The following PDE6A variants were observed in gnomAD, a reference collection of about 807,000 sequenced individuals.
PDE6A encodes rod cGMP-specific 3',5'-cyclic phosphodiesterase subunit alpha.
PDE6A carries 84 observed loss-of-function variants against 106.3 expected under a neutral mutation model. The ratio of observed to expected loss-of-function variants is 0.79; its 90% confidence interval spans 0.66 to 0.95. The LOEUF (loss-of-function observed/expected upper bound fraction) is 0.95, where lower values mean the gene tolerates loss of function less well. Among genes scored for constraint, PDE6A ranks in the 40% least tolerant of loss-of-function variants. The probability of loss-of-function intolerance (pLI) is 0.00; values close to 1 mark genes in which losing one functional copy is unlikely to be tolerated. For missense variants in PDE6A, 1,052 were observed against 1,084.9 expected (o/e 0.97, Z 0.43); for synonymous variants, 394 against 386.6 (o/e 1.02, Z -0.23).
chr5:149,921,322 G>A (rs965963375), intron 5 of PDE6A, among the ~76,000 whole-genome samples: 1 of 151,270 alleles, frequency 6.6e-6, no homozygotes, highest in Non-Finnish European at 1.5e-5. Flanking sequence ...AAGGAAGGAA[G>A]GAAAGCAGGA....
intron 3 of PDE6A, chr5:149,931,958 C>T: frequency 8.4e-7 from 1 of 1,193,242 alleles, no homozygotes; most frequent in African/African-American, 1.5e-5. Context: ...GTTTGCAAAT[C>T]TTTTATATTT....
At chr5:149,897,101 AAATT>A (rs1262330085) in intron 10 of PDE6A, among the ~76,000 whole-genome samples, 8 of 152,272 alleles carry the variant, frequency 5.3e-5, no homozygotes, top group African/African-American at 1.9e-4. Flanking sequence ...AACATATGTA[AAATT>A]AAATAATCCA....
chr5:149,909,431 C>A (rs534686012), intron 6 of PDE6A, among the ~76,000 whole-genome samples: 3 of 152,316 alleles, frequency 2.0e-5, no homozygotes, highest in East Asian at 3.9e-4. Flanking sequence ...GTTTGCTCTA[C>A]GAGACTCTTT....
chr5:149,908,520 G>A (rs1753272850), intron 6 of PDE6A, among the ~76,000 whole-genome samples: 1 of 151,980 alleles, frequency 6.6e-6, no homozygotes, highest in Non-Finnish European at 1.5e-5. Context: ...GAGGTCTAGT[G>A]GTATCTCATC....
intron 5 of PDE6A, among the ~76,000 whole-genome samples, chr5:149,920,516 G>T (rs1253157316): frequency 6.6e-6 from 1 of 152,148 alleles, no homozygotes; most frequent in African/African-American, 2.4e-5. Context: ...GGAGGCAGAG[G>T]TTGCAGTGAG....
chr5:149,926,481 G>C (rs192886472), intron 4 of PDE6A, among the ~76,000 whole-genome samples: 4 of 152,222 alleles, frequency 2.6e-5, no homozygotes, highest in Admixed American at 2.6e-4. Flanking sequence ...ACATAAAAAA[G>C]TTCCAGGTAG....
intron 6 of PDE6A, among the ~76,000 whole-genome samples, chr5:149,914,031 C>T (rs1017369710): frequency 3.4e-4 from 52 of 152,310 alleles, no homozygotes; most frequent in African/African-American, 1.2e-3. Flanking sequence ...CCTGCTTTTG[C>T]TTTGCCTCCT....
At chr5:149,940,430 G>A (rs576713382) in intron 1 of PDE6A, among the ~76,000 whole-genome samples, 1 of 152,118 alleles carries the variant, frequency 6.6e-6, no homozygotes, top group East Asian at 1.9e-4. Context: ...AGCCCACCGG[G>A]TATGCTTTCC....
At chr5:149,868,794 C>A (rs961199406) in intron 17 of PDE6A, among the ~76,000 whole-genome samples, 1 of 152,174 alleles carries the variant, frequency 6.6e-6, no homozygotes, top group African/African-American at 2.4e-5. Context: ...AAGATTTGCT[C>A]TCCTACCTCA....
Position 149,908,415 on chromosome 5 carries a change from C to T in PDE6A, c.999-1037G>A, listed in dbSNP as rs184586836. Among the ~76,000 whole-genome samples, 310 of 152,272 alleles carry T rather than the reference C, an allele frequency of 2.0e-3. 2 individuals carry two copies. The highest frequency in any genetic ancestry group is 7.2e-3 in the African/African-American group (298 of 41,538). On this transcript the variant is annotated intron_variant, in intron 6 of 21. Transcript: ENST00000255266. ...AAACTGTTTTCTAAAATGATTGTAG[C>T]AATTAACACTCCTATCAGTGGTCCA...
intron 17 of PDE6A, among the ~76,000 whole-genome samples, chr5:149,871,683 T>G (rs1760560726): frequency 6.6e-6 from 1 of 152,106 alleles, no homozygotes; most frequent in Non-Finnish European, 1.5e-5. Context: ...CAGGCGCCGC[T>G]GCGAGGGGAT....
At chr5:149,921,767 T>G in intron 4 of PDE6A, 58 bp from the exon 5 acceptor site, 3 of 1,332,858 alleles carry the variant, frequency 2.3e-6, no homozygotes, top group African/African-American at 1.4e-5. Context: ...GAAAGGAGAT[T>G]AAGATGTCCC....
rs577705729 is a variant in PDE6A at position 149,871,654 on chromosome 5, G to A, written c.2136-3496C>T. On this transcript the variant is annotated intron_variant, in intron 17 of 21. Transcript: ENST00000255266. ...TAAGAGAAGCTCCACAGAGGAGCAGGGGCGGCCCATGCAGAGCCCAGGCGC... is the reference window on the plus strand; with the variant it reads ...TAAGAGAAGCTCCACAGAGGAGCAGAGGCGGCCCATGCAGAGCCCAGGCGC... Among the ~76,000 whole-genome samples, 3 of 152,310 alleles carry A rather than the reference G, an allele frequency of 2.0e-5. No homozygotes were observed. In the South Asian group the frequency reaches 6.2e-4, roughly 32 times the overall value.
Position 149,860,905 on chromosome 5 carries a change from C to T in PDE6A, c.2573G>A (p.Cys858Tyr). 6.2e-7 allele frequency: 1 copy of T among 1,613,960 alleles called. No individual in the cohort carries two copies. Among genetic ancestry groups the T allele is most frequent in the East Asian group, 2.2e-5 (1 of 44,884 alleles). Residue 858 changes from cysteine (C) to tyrosine (Y), a missense_variant, in exon 22 of 22, where the codon TGC becomes TAC. Physicochemically the swap from Cys to Tyr is radical, Grantham distance 194 (BLOSUM62 -2). Around this residue, in one of 3 missense-constraint regions of PDE6A, gnomAD observed 135 missense variants for 153.2 expected, o/e 0.88. Transcript: ENST00000255266. ...ACATCCCCAGTGGTGTTACTGGATG[C>T]AGCAGGACTTGGATGTAGTTGCACC... is the stretch of plus-strand genomic sequence containing the variant. ...PGGATTSKSC[C>Y]IQ
At position 149,867,742 on chromosome 5, in the gene PDE6A, G is replaced by A. The variant is rs1216025248; in HGVS notation, c.2257C>T (p.Leu753=). 6.2e-7 allele frequency: 1 copy of A among 1,613,830 alleles called. No homozygotes were observed. Among genetic ancestry groups the A allele is most frequent in the Non-Finnish European group, 8.5e-7 (1 of 1,179,946 alleles). The change falls in exon 19 of 22, where the codon CTG becomes TTG. Residue 753 remains leucine (L), a synonymous_variant. Transcript: ENST00000255266. ...CTACTCACAATGGGATTCTGTTGCA[G>A]CACCGTGCGCTCCAGGTCACCTTGT... ...WEQGDLERTV[L]QQNPIPMMDR...
intron 7 of PDE6A, among the ~76,000 whole-genome samples, chr5:149,906,519 C>CAAAAAAAAAAAAAAAAAAAGAAAAAA (rs560905491): frequency 1.8e-5 from 1 of 54,204 alleles, no homozygotes; most frequent in Non-Finnish European, 4.0e-5. Context: ...GAGACACTGT[C>CAAAAAAAAAAAAAAAAAAAGAAAAAA]AAAAAAAAAA....
chr5:149,866,069 A>G (rs1760319970), intron 20 of PDE6A, 101 bp downstream of exon 20: 1 of 821,640 alleles, frequency 1.2e-6, no homozygotes, highest in African/African-American at 1.7e-5. Flanking sequence ...GTAAAGTATC[A>G]CCCACTGGTC....
chr5:149,867,396 C>A (rs1206080910), intron 19 of PDE6A: 1 of 440,158 alleles, frequency 2.3e-6, no homozygotes, highest in Admixed American at 3.4e-5. Flanking sequence ...GTGTTGGAGT[C>A]CACTTGCCAA....
intron 8 of PDE6A, among the ~76,000 whole-genome samples, chr5:149,901,322 A>T (rs958584755): frequency 1.3e-5 from 2 of 152,070 alleles, no homozygotes; most frequent in African/African-American, 4.8e-5. Flanking sequence ...TGAGGTCGGG[A>T]GTTCAAGACC....
Sources: allele counts gnomAD v4.1 joint callset (sites outside exome capture counted in the v4.1 genomes callset), GRCh38; gene constraint gnomAD v4.1.1; regional missense constraint gnomAD v4.1.1; transcripts MANE v1.5; gene names NCBI Gene and HGNC (gene_info 2026-07-23, HGNC 2026-07-21).